Variants in MSX1 observed in about 807,000 individuals in gnomAD.
MSX1 encodes the protein homeobox protein MSX-1.
A neutral mutation model predicts 17.0 loss-of-function variants in MSX1; 11 were observed. The observed-to-expected ratio is 0.65, with a 90% confidence interval of 0.41 to 1.07. The LOEUF (loss-of-function observed/expected upper bound fraction) is 1.07. MSX1 is among the 50% of genes least tolerant of loss of function. The probability of loss-of-function intolerance (pLI) is 0.00; values close to 1 mark genes in which losing one functional copy is unlikely to be tolerated. For missense variants in MSX1, 477 were observed against 440.1 expected, an observed-to-expected ratio of 1.08 and a Z score of -0.75; for synonymous variants, 253 against 211.8, an observed-to-expected ratio of 1.19 and a Z score of -1.69.
Position 4,862,777 on chromosome 4 carries a change from G to A in MSX1, c.546G>A (p.Ala182=), listed in dbSNP as rs140353960. The A allele has an allele frequency of 7.5e-5, 121 of 1,613,436 alleles. No individual in the cohort carries two copies. In the African/African-American group the frequency reaches 1.1e-3, roughly 14 times the overall value. Residue 182 remains alanine, a synonymous_variant, in exon 2 of 2, where the codon GCG becomes GCA. Transcript: ENST00000382723. The part of the protein sequence containing the change: ...NRKPRTPFTT[A]QLLALERKFR... The stretch of plus-strand genomic sequence containing the variant: ...AGCCGCGGACGCCCTTCACCACCGC[G>A]CAGCTGCTGGCGCTGGAGCGCAAGT...
chr4:4,862,749 G>T lies in MSX1; in HGVS notation c.518G>T (p.Arg173Leu). 3 of 1,613,390 alleles carry T rather than the reference G, an allele frequency of 1.9e-6. No individual in the cohort carries two copies. Among genetic ancestry groups the T allele is most frequent in the Non-Finnish European group, 2.5e-6 (3 of 1,180,022 alleles). Residue 173 changes from arginine to leucine, a missense_variant, in exon 2 of 2, where the codon CGT (arginine) becomes CTT (leucine). By Grantham distance (102) the Arg-to-Leu change is moderately radical. Around this residue, in one of 3 missense-constraint regions of MSX1, gnomAD observed 355 missense variants for 306.1 expected, o/e 1.16. Transcript: ENST00000382723. ...ACTLRKHKTN[R>L]KPRTPFTTAQ... Reference sequence around the variant, plus strand: ...ACCCTCCGCAAACACAAGACGAACCGTAAGCCGCGGACGCCCTTCACCACC... The same window carrying T: ...ACCCTCCGCAAACACAAGACGAACCTTAAGCCGCGGACGCCCTTCACCACC...
In MSX1 at chr4:4,860,098, A is replaced by G; in HGVS notation, c.199A>G (p.Met67Val). 3 of 1,519,144 alleles carry G rather than the reference A, an allele frequency of 2.0e-6. No individual in the cohort carries two copies. The highest frequency in any genetic ancestry group is 1.8e-6 in the Non-Finnish European group (2 of 1,136,854). 94.1% of individuals were successfully genotyped at this position (1,519,144 alleles called of 1,614,324 possible). The stretch of plus-strand genomic sequence containing the variant: ...CCTGCCCTTCAGCGTGGAGGCGCTC[A>G]TGGCCGACCACAGGAAGCCGGGGGC... ...SLLPFSVEAL[M>V]ADHRKPGAKE... Residue 67 changes from methionine to valine, a missense_variant, in exon 1 of 2, where the codon ATG (methionine) becomes GTG (valine). Physicochemically the swap from Met to Val is conservative, Grantham distance 21. Transcript: ENST00000382723.
chr4:4,860,402 G>A (rs761040329), intron 1 of MSX1, 34 bp downstream of exon 1: 1 of 283,102 alleles, frequency 3.5e-6, no homozygotes, highest in Non-Finnish European at 4.1e-6. Flanking sequence ...AGAGGGAGGG[G>A]GCCGGGTGGG....
intron 1 of MSX1, 96 bp downstream of exon 1, chr4:4,860,464 G>T: frequency 2.1e-6 from 3 of 1,456,230 alleles, no homozygotes; most frequent in Non-Finnish European, 1.9e-6. Context: ...CGGCGCCTGC[G>T]TACCTGCAGC....
rs1404046780 is a variant in MSX1, at chr4:4,863,580, A to G, written c.*437A>G. 6 of 143,076 alleles carry G rather than the reference A, an allele frequency of 4.2e-5. No individual in the cohort carries two copies. Among genetic ancestry groups the G allele is most frequent in the Non-Finnish European group, 6.1e-5 (4 of 65,612 alleles). 8.9% of individuals were successfully genotyped at this position (143,076 alleles called of 1,614,324 possible). A position where few individuals can be genotyped will look rare whatever the true frequency, so the allele number is the denominator to read the frequency against. On this transcript the variant is annotated 3_prime_UTR_variant, in exon 2 of 2. Coordinates refer to ENST00000382723, the MANE Select transcript of MSX1 (RefSeq NM_002448.3). The stretch of plus-strand genomic sequence containing the variant: ...AAAAAAAAAAAAAAAAAAAAAAAAA[A>G]AAAAAAAAGAAAAGAGAAAAAAAAG...
chr4:4,861,271 C>T (rs556009779), intron 1 of MSX1, among the ~76,000 whole-genome samples: 23 of 152,368 alleles, frequency 1.5e-4, no homozygotes, highest in Non-Finnish European at 1.8e-4. Context: ...AGAAGGTGGC[C>T]CCGCTCTGGG....
At chr4:4,860,396 G>A (rs1459578340) in intron 1 of MSX1, 28 bp downstream of exon 1, 3 of 1,450,112 alleles carry the variant, frequency 2.1e-6, no homozygotes, top group African/African-American at 1.7e-5. Context: ...AGGCGCAGAG[G>A]GAGGGGGCCG....
Position 4,860,144 on chromosome 4 carries a change from C to T in MSX1, c.245C>T (p.Pro82Leu), listed in dbSNP as rs1248813501. Residue 82 changes from proline to leucine, a missense_variant, in exon 1 of 2, where the codon CCC (proline) becomes CTC (leucine). By Grantham distance (98) the Pro-to-Leu change is moderately conservative (BLOSUM62 -3). Coordinates refer to ENST00000382723, the MANE Select transcript of MSX1 (RefSeq NM_002448.3). ...GGGGCCAAGGAGAGCGCCCTGGCGCCCTCCGAGGGCGTGCAGGCGGCGGGT... is the reference window on the plus strand; with the variant it reads ...GGGGCCAAGGAGAGCGCCCTGGCGCTCTCCGAGGGCGTGCAGGCGGCGGGT... ...KPGAKESALA[P>L]SEGVQAAGGS... 4.0e-6 allele frequency: 6 copies of T among 1,508,010 alleles called. No homozygotes were observed. The Admixed American group carries it at 6.4e-5, about 16-fold the overall frequency. The allele number at this position is 1,508,010 out of a possible 1,614,324, so 93.4% of individuals were successfully genotyped here. A position where few individuals can be genotyped will look rare whatever the true frequency, so the allele number is the denominator to read the frequency against.
rs1487038870 is a variant in MSX1, at chr4:4,860,225, C to T, written c.326C>T (p.Pro109Leu). 6.4e-7 allele frequency: 1 copy of T among 1,571,312 alleles called. No homozygotes were observed. Among genetic ancestry groups the T allele is most frequent in the Non-Finnish European group, 8.6e-7 (1 of 1,166,924 alleles). Residue 109 changes from proline (P) to leucine (L), a missense_variant, in exon 1 of 2, where the codon CCC becomes CTC. By Grantham distance (98) the Pro-to-Leu change is moderately conservative (BLOSUM62 -3). Around this residue, in one of 3 missense-constraint regions of MSX1, gnomAD observed 355 missense variants for 306.1 expected, o/e 1.16. Transcript: ENST00000382723. ...GGGTCGCTGGGAGCCCCGGACGCGCCCTCTTCGCCGCGGCCGCTCGGCCAT... is the reference window on the plus strand; with the variant it reads ...GGGTCGCTGGGAGCCCCGGACGCGCTCTCTTCGCCGCGGCCGCTCGGCCAT... ...PPGSLGAPDA[P>L]SSPRPLGHFS...
chr4:4,861,570 T>C (rs1418497195), intron 1 of MSX1, among the ~76,000 whole-genome samples: 1 of 152,260 alleles, frequency 6.6e-6, no homozygotes, highest in Non-Finnish European at 1.5e-5. Flanking sequence ...TGAAACATCT[T>C]CGATTTGAAT....
Position 4,863,909 on chromosome 4 carries a change from TAAATA to T in MSX1, c.*769_*773del, listed in dbSNP as rs1737992278. On this transcript the variant is annotated 3_prime_UTR_variant, in exon 2 of 2. Transcript: ENST00000382723. ...TCATTTATATTATAGCTATATTTGT[TAAATA>T]AATTAATTTTAAGCTACAAAAATTA... is the stretch of plus-strand genomic sequence containing the variant. 1 of 152,730 alleles carries T rather than the reference TAAATA, an allele frequency of 6.5e-6. No homozygotes were observed. Among genetic ancestry groups the T allele is most frequent in the East Asian group, 1.9e-4 (1 of 5,190 alleles). The allele number at this position is 152,730 out of a possible 1,614,324, so 9.5% of individuals were successfully genotyped here. A position where few individuals can be genotyped will look rare whatever the true frequency, so the allele number is the denominator to read the frequency against.
rs776837543 is a variant in MSX1, at chr4:4,862,573, C to G, written c.470-128C>G. On this transcript the variant is annotated intron_variant, in intron 1 of 1. Coordinates refer to ENST00000382723, the MANE Select transcript of MSX1 (RefSeq NM_002448.3). Reference sequence around the variant, plus strand: ...TATATTTCAAGTGCCTTGCGCGATGCCCGGCACCGAGGCACTTGGCGGCAC... The same window carrying G: ...TATATTTCAAGTGCCTTGCGCGATGGCCGGCACCGAGGCACTTGGCGGCAC... 1.1e-5 allele frequency: 12 copies of G among 1,099,654 alleles called. 1 individual carries two copies. In the South Asian group the frequency reaches 1.4e-4, roughly 13 times the overall value. 68.1% of individuals were successfully genotyped at this position (1,099,654 alleles called of 1,614,324 possible).
Position 4,860,240 on chromosome 4 carries a change from C to T in MSX1, c.341C>T (p.Pro114Leu). The T allele has an allele frequency of 1.3e-6, 2 of 1,581,780 alleles. No homozygotes were observed. Among genetic ancestry groups the T allele is most frequent in the South Asian group, 2.3e-5 (2 of 88,390 alleles). ...GAPDAPSSPR[P>L]LGHFSVGGLL... ...CCGGACGCGCCCTCTTCGCCGCGGC[C>T]GCTCGGCCATTTCTCGGTGGGGGGA... The change falls in exon 1 of 2, where the codon CCG (proline) becomes CTG (leucine). Residue 114 changes from proline (P) to leucine (L), a missense_variant. By Grantham distance (98) the Pro-to-Leu change is moderately conservative. This residue lies in a region of MSX1 where 355 missense variants were observed against 306.1 expected (regional missense o/e 1.16). Transcript: ENST00000382723.
In MSX1 at chr4:4,863,293, C is replaced by T. The variant is rs1345580103; in HGVS notation, c.*150C>T. 12 of 832,968 alleles carry T rather than the reference C, an allele frequency of 1.4e-5. No individual in the cohort carries two copies. Among genetic ancestry groups the T allele is most frequent in the Non-Finnish European group, 2.3e-5 (12 of 530,398 alleles). 51.6% of individuals were successfully genotyped at this position (832,968 alleles called of 1,614,324 possible). On this transcript the variant is annotated 3_prime_UTR_variant, in exon 2 of 2. Coordinates refer to ENST00000382723, the MANE Select transcript of MSX1 (RefSeq NM_002448.3). ...CACCTCTTTGCTCCCTGAGTTCACTCTCCGAAGTCTGATCCCTGCCAAAAA... is the reference window on the plus strand; with the variant it reads ...CACCTCTTTGCTCCCTGAGTTCACTTTCCGAAGTCTGATCCCTGCCAAAAA...
chr4:4,862,384 G>A (rs746846526), intron 1 of MSX1: 6 of 531,784 alleles, frequency 1.1e-5, no homozygotes, highest in African/African-American at 3.8e-5. Context: ...CTAAGCCGCC[G>A]GGCAGCACAA....
chr4:4,859,931 C>T lies in MSX1; in HGVS notation c.32C>T (p.Pro11Leu), dbSNP rs1737865776. Residue 11 changes from proline to leucine, a missense_variant, in exon 1 of 2, where the codon CCA becomes CTA. Transcript: ENST00000382723. MAPAADMTSLPLGVKVEDSAF... is the reference protein window; with the variant it reads MAPAADMTSLLLGVKVEDSAF... ...CCGGCTGCTGACATGACTTCTTTGC[C>T]ACTCGGTGTCAAAGTGGAGGACTCC... 6.7e-7 allele frequency: 1 copy of T among 1,496,670 alleles called. No homozygotes were observed. The highest frequency in any genetic ancestry group is 1.3e-5 in the South Asian group (1 of 77,856). The allele number at this position is 1,496,670 out of a possible 1,614,324, so 92.7% of individuals were successfully genotyped here. A position where few individuals can be genotyped will look rare whatever the true frequency, so the allele number is the denominator to read the frequency against.
In MSX1 at chr4:4,862,717, A is replaced by G. The variant is rs775969744; in HGVS notation, c.486A>G (p.Pro162=). Residue 162 remains proline, a synonymous_variant, in exon 2 of 2, where the codon CCA becomes CCG. Coordinates refer to ENST00000382723, the MANE Select transcript of MSX1 (RefSeq NM_002448.3). The stretch of plus-strand genomic sequence containing the variant: ...GGCCCTCAGGGCGGCTGAGCCCCCC[A>G]GCCTGCACCCTCCGCAAACACAAGA... The part of the protein sequence containing the change: ...SPPPARRLSP[P]ACTLRKHKTN... 4 of 1,612,610 alleles carry G rather than the reference A, an allele frequency of 2.5e-6. No homozygotes were observed. In the African/African-American group the frequency reaches 4.0e-5, roughly 16 times the overall value.
chr4:4,860,821 C>G (rs774201051), intron 1 of MSX1, among the ~76,000 whole-genome samples: 1 of 152,162 alleles, frequency 6.6e-6, no homozygotes, highest in African/African-American at 2.4e-5. Flanking sequence ...CTAGAGGTTC[C>G]GAAGCTCCTA....
rs36059701 is a variant in MSX1 at position 4,860,018 on chromosome 4, C to G, written c.119C>G (p.Ala40Gly). 232,130 of 1,500,962 alleles carry G rather than the reference C, an allele frequency of 0.15. 18,800 individuals carry two copies. Among genetic ancestry groups the G allele is most frequent in the Non-Finnish European group, 0.16 (182,519 of 1,125,988 alleles). The allele number at this position is 1,500,962 out of a possible 1,614,324, so 93.0% of individuals were successfully genotyped here. The change falls in exon 1 of 2, where the codon GCA becomes GGA. Residue 40 changes from alanine to glycine, a missense_variant. By Grantham distance (60) the Ala-to-Gly change is moderately conservative. This residue lies in a region of MSX1 where 355 missense variants were observed against 306.1 expected (regional missense o/e 1.16). Coordinates refer to ENST00000382723, the MANE Select transcript of MSX1 (RefSeq NM_002448.3). The stretch of plus-strand genomic sequence containing the variant: ...GCCCCCAGCGCCGCCGCGGCCACGG[C>G]AGCCGCCATGGGCGCGGACGAGGAG... ...GQAPSAAAATAAAMGADEEGA... is the reference protein window; with the variant it reads ...GQAPSAAAATGAAMGADEEGA...
Sources: gnomAD v4.1 joint callset for allele counts (sites outside exome capture counted in the v4.1 genomes callset) on GRCh38, gnomAD v4.1.1 for gene constraint, gnomAD v4.1.1 regional missense constraint, MANE v1.5 for transcripts, NCBI Gene and HGNC (gene_info 2026-07-23, HGNC 2026-07-21) for gene names.